IQCJ: variants seen among roughly 807,000 people sequenced by gnomAD.
The protein encoded by IQCJ is IQ motif containing J.
In IQCJ, 9 loss-of-function variants were observed where a neutral mutation model predicts 11.0. The observed-to-expected ratio is 0.82, with a 90% confidence interval of 0.49 to 1.43. IQCJ has a LOEUF of 1.43. IQCJ is among the 40% of genes most tolerant of loss of function. IQCJ has a pLI of 0.00. For synonymous variants in IQCJ, 55 were observed against 51.3 expected, an observed-to-expected ratio of 1.07 and a Z score of -0.31; for missense variants, 146 against 133.2, an observed-to-expected ratio of 1.10 and a Z score of -0.47.
In IQCJ at chr3:159,121,058, C is replaced by G. The variant is rs148375728; in HGVS notation, c.9+51617C>G. 3.8e-3 allele frequency among the ~76,000 whole-genome samples: 581 copies of G among 152,288 alleles called. 1 individual carries two copies. The highest frequency in any genetic ancestry group is 0.013 in the African/African-American group (550 of 41,574). ...TTCTGGTAGACCTTCACTCCAATCTCCTTGGCCATAACTATCCCAAGACAA... is the reference window on the plus strand; with the variant it reads ...TTCTGGTAGACCTTCACTCCAATCTGCTTGGCCATAACTATCCCAAGACAA... On this transcript the variant is annotated intron_variant, in intron 1 of 3. Coordinates refer to ENST00000397832, the MANE Select transcript of IQCJ (RefSeq NM_001042706.3).
At chr3:159,255,535 T>C (rs1727849193) in intron 3 of IQCJ, among the ~76,000 whole-genome samples, 1 of 152,124 alleles carries the variant, frequency 6.6e-6, no homozygotes, top group Non-Finnish European at 1.5e-5. Flanking sequence ...TAAGAAAGTG[T>C]AAACCTGCGT....
intron 1 of IQCJ, among the ~76,000 whole-genome samples, chr3:159,094,446 T>C (rs76359835): frequency 9.2e-6 from 1 of 109,038 alleles, no homozygotes; most frequent in African/African-American, 3.5e-5. Context: ...TTTTTTTTTT[T>C]TTACTATTGG....
intron 1 of IQCJ, among the ~76,000 whole-genome samples, chr3:159,109,668 T>G (rs1367047177): frequency 6.7e-6 from 1 of 149,972 alleles, no homozygotes; most frequent in East Asian, 2.0e-4. Flanking sequence ...GGTGTGTGGG[T>G]GTGTGTGTGT....
At chr3:159,206,949 G>C (rs922208023) in intron 1 of IQCJ, among the ~76,000 whole-genome samples, 1 of 152,120 alleles carries the variant, frequency 6.6e-6, no homozygotes, top group Non-Finnish European at 1.5e-5. Context: ...CTAAAGTCTT[G>C]TATTGTTTTA....
intron 1 of IQCJ, among the ~76,000 whole-genome samples, chr3:159,217,628 T>G (rs1036062870): frequency 1.3e-5 from 2 of 152,178 alleles, no homozygotes; most frequent in Non-Finnish European, 2.9e-5. Flanking sequence ...GTACATATCT[T>G]GTCCTTCCTT....
chr3:159,150,109 G>T (rs778642029), intron 1 of IQCJ, among the ~76,000 whole-genome samples: 19 of 152,146 alleles, frequency 1.2e-4, no homozygotes, highest in Admixed American at 3.3e-4. Flanking sequence ...TCCCAAGATG[G>T]TTGTTGATTG....
intron 1 of IQCJ, chr3:159,069,886 T>TGC (rs1193817965): frequency 2.2e-4 from 61 of 279,332 alleles, no homozygotes; most frequent in African/African-American, 1.4e-3. Context: ...TGTGTGTGTG[T>TGC]GCGTGTGTAT....
intron 1 of IQCJ, among the ~76,000 whole-genome samples, chr3:159,172,597 A>G (rs1047658191): frequency 6.6e-6 from 1 of 152,120 alleles, no homozygotes; most frequent in African/African-American, 2.4e-5. Context: ...AATAAAATTC[A>G]TAAGAATCCT....
At chr3:159,242,222 G>A (rs964909739) in intron 1 of IQCJ, among the ~76,000 whole-genome samples, 3 of 152,112 alleles carry the variant, frequency 2.0e-5, no homozygotes, top group Admixed American at 2.0e-4. Flanking sequence ...CGGCTCTATA[G>A]GCCATGGTGA....
chr3:159,158,166 A>C (rs34066429), intron 1 of IQCJ, among the ~76,000 whole-genome samples: 2 of 152,078 alleles, frequency 1.3e-5, no homozygotes, highest in Non-Finnish European at 2.9e-5. Context: ...AAAATGTTTT[A>C]AAGGTACTGT....
intron 1 of IQCJ, among the ~76,000 whole-genome samples, chr3:159,202,363 T>C (rs547881070): frequency 6.6e-6 from 1 of 152,166 alleles, no homozygotes; most frequent in South Asian, 2.1e-4. Context: ...GGCCAGATGT[T>C]TTATCAAAAC....
intron 1 of IQCJ, among the ~76,000 whole-genome samples, chr3:159,115,990 A>C (rs1007130796): frequency 4.6e-5 from 7 of 152,180 alleles, no homozygotes; most frequent in Admixed American, 2.0e-4. Flanking sequence ...TGATGGGTGC[A>C]GCAAACCACC....
intron 1 of IQCJ, among the ~76,000 whole-genome samples, chr3:159,103,249 A>G (rs1718043142): frequency 6.6e-6 from 1 of 152,218 alleles, no homozygotes; most frequent in African/African-American, 2.4e-5. Context: ...TATACACAAT[A>G]TTTGTATATT....
chr3:159,102,179 C>A (rs1717975167), intron 1 of IQCJ, among the ~76,000 whole-genome samples: 1 of 152,210 alleles, frequency 6.6e-6, no homozygotes, highest in Non-Finnish European at 1.5e-5. Flanking sequence ...ATAAGATAAT[C>A]TGCTTTTCAT....
chr3:159,232,302 T>G lies in IQCJ; in HGVS notation c.10-13541T>G, dbSNP rs1256594935. Among the ~76,000 whole-genome samples, 3 of 152,166 alleles carry G rather than the reference T, an allele frequency of 2.0e-5. No homozygotes were observed. In the East Asian group the frequency reaches 5.8e-4, roughly 29 times the overall value. ...ATTTCCCTCTTAACACTGCTTTAGC[T>G]GTGTCCCAGAGATTCTGGTATGTTG... On this transcript the variant is annotated intron_variant, in intron 1 of 3. Transcript: ENST00000397832.
intron 1 of IQCJ, among the ~76,000 whole-genome samples, chr3:159,176,311 T>C (rs1722791363): frequency 6.6e-6 from 1 of 152,114 alleles, no homozygotes; most frequent in Non-Finnish European, 1.5e-5. Context: ...TTTGTTATTA[T>C]TTTACTGTTG....
At chr3:159,191,809 G>T (rs1157013659) in intron 1 of IQCJ, among the ~76,000 whole-genome samples, 1 of 152,170 alleles carries the variant, frequency 6.6e-6, no homozygotes, top group Non-Finnish European at 1.5e-5. Flanking sequence ...TCTGGCCAAG[G>T]TTAAAAATTC....
At chr3:159,095,014 CA>C (rs1717628303) in intron 1 of IQCJ, among the ~76,000 whole-genome samples, 1 of 151,878 alleles carries the variant, frequency 6.6e-6, no homozygotes, top group African/African-American at 2.4e-5. Flanking sequence ...TTCCCACTTC[CA>C]AATCCAGCAA....
intron 1 of IQCJ, among the ~76,000 whole-genome samples, chr3:159,160,999 C>A (rs1197460351): frequency 6.6e-6 from 1 of 152,108 alleles, no homozygotes; most frequent in Non-Finnish European, 1.5e-5. Context: ...CATACGTGTG[C>A]ATGTGTCTTT....
Sources: allele counts gnomAD v4.1 joint callset (sites outside exome capture counted in the v4.1 genomes callset), GRCh38; gene constraint gnomAD v4.1.1; transcripts MANE v1.5; gene names NCBI Gene and HGNC (gene_info 2026-07-23, HGNC 2026-07-21).